The following OPN5 variants were observed in gnomAD, a reference collection of about 807,000 sequenced individuals.
The protein encoded by OPN5 is opsin 5, also known as opsin-5.
In OPN5, 18 loss-of-function variants were observed where a neutral mutation model predicts 41.7. That is an observed-to-expected ratio of 0.43 (90% CI 0.30 to 0.64). The LOEUF (loss-of-function observed/expected upper bound fraction) is 0.64, where lower values mean the gene tolerates loss of function less well. Ranked by LOEUF, OPN5 falls within the 30% of genes least tolerant of loss-of-function variation. OPN5 has a pLI of 0.13. For synonymous variants in OPN5, 178 were observed against 164.3 expected, an observed-to-expected ratio of 1.08 and a Z score of -0.64; for missense variants, 318 against 434.5, an observed-to-expected ratio of 0.73 and a Z score of 2.38.
intron 4 of OPN5, among the ~76,000 whole-genome samples, chr6:47,807,420 A>G (rs1487926856): frequency 2.0e-5 from 3 of 152,214 alleles, no homozygotes; most frequent in East Asian, 3.9e-4. Context: ...GGACTACATT[A>G]TTAAAGGGAC....
chr6:47,795,188 G>A (rs778298479), intron 3 of OPN5, 41 bp from the exon 4 acceptor site: 9 of 1,441,564 alleles, frequency 6.2e-6, no homozygotes, highest in Non-Finnish European at 9.4e-7. Context: ...TCTGGGTGTA[G>A]GGCAGATTAC....
intron 4 of OPN5, among the ~76,000 whole-genome samples, chr6:47,798,540 T>C (rs1017465419): frequency 6.0e-5 from 9 of 151,138 alleles, no homozygotes; most frequent in African/African-American, 2.2e-4. Flanking sequence ...CATATATATG[T>C]ATATTCTTTT....
chr6:47,805,670 G>T (rs372735747), intron 4 of OPN5, among the ~76,000 whole-genome samples: 2 of 152,078 alleles, frequency 1.3e-5, no homozygotes, highest in South Asian at 2.1e-4. Flanking sequence ...AAATGCACGG[G>T]CACACATATG....
intron 6 of OPN5, among the ~76,000 whole-genome samples, chr6:47,817,801 A>C (rs1762476002): frequency 6.6e-6 from 1 of 152,306 alleles, no homozygotes. Flanking sequence ...GAGTCTTGAA[A>C]GTATCCCTGG....
chr6:47,817,579 A>G (rs1253266559), intron 6 of OPN5, among the ~76,000 whole-genome samples: 1 of 152,132 alleles, frequency 6.6e-6, no homozygotes, highest in Non-Finnish European at 1.5e-5. Context: ...TGGTTACGAA[A>G]AAAGAACTTG....
intron 1 of OPN5, among the ~76,000 whole-genome samples, chr6:47,785,105 G>C (rs1469439867): frequency 1.3e-5 from 2 of 152,184 alleles, no homozygotes; most frequent in Non-Finnish European, 2.9e-5. Context: ...TTTCAAAAGA[G>C]ATGTAGACAG....
rs1319993399 is a variant in OPN5 at position 47,803,236 on chromosome 6, G to T, written c.757-4918G>T. Among the ~76,000 whole-genome samples, 2 of 152,140 alleles carry T rather than the reference G, an allele frequency of 1.3e-5. 1 individual carries two copies. The highest frequency in any genetic ancestry group is 4.1e-4 in the South Asian group (2 of 4,820). Reference sequence around the variant, plus strand: ...ACTCCTATTTGTATGTGTATGTGAAGGAACCAAAGAAGGTAGGTCACAGTT... The same window carrying T: ...ACTCCTATTTGTATGTGTATGTGAATGAACCAAAGAAGGTAGGTCACAGTT... On this transcript the variant is annotated intron_variant, in intron 4 of 6. Coordinates refer to ENST00000371211, the Ensembl canonical transcript of OPN5.
At chr6:47,814,589 T>C (rs954153259) in intron 6 of OPN5, among the ~76,000 whole-genome samples, 1 of 152,116 alleles carries the variant, frequency 6.6e-6, no homozygotes, top group Non-Finnish European at 1.5e-5. Context: ...GATAGAGATG[T>C]GGTCCTTGGG....
chr6:47,797,889 G>C (rs1773627910), intron 4 of OPN5, among the ~76,000 whole-genome samples: 1 of 152,024 alleles, frequency 6.6e-6, no homozygotes, highest in African/African-American at 2.4e-5. Flanking sequence ...CTAGCATCTT[G>C]TCCTCTTGTG....
intron 4 of OPN5, among the ~76,000 whole-genome samples, chr6:47,803,581 C>T (rs1773855060): frequency 6.6e-6 from 1 of 152,170 alleles, no homozygotes; most frequent in African/African-American, 2.4e-5. Context: ...CTAATTGGTT[C>T]TGTAATGTGA....
intron 1 of OPN5, among the ~76,000 whole-genome samples, chr6:47,786,166 T>C (rs1021394458): frequency 2.0e-5 from 3 of 152,174 alleles, no homozygotes; most frequent in Non-Finnish European, 2.9e-5. Flanking sequence ...GGGAGGGAGT[T>C]CTATAAAGCC....
At chr6:47,795,309 T>C (rs201441243) in exon 4 of OPN5, 11 of 1,613,950 alleles carry the variant, frequency 6.8e-6, no homozygotes, top group Non-Finnish European at 9.3e-6. Flanking sequence ...CACCATGCCC[T>C]TGGTAGGTCT....
chr6:47,793,909 T>G, intron 3 of OPN5: 1 of 339,626 alleles, frequency 2.9e-6, no homozygotes, highest in Non-Finnish European at 4.2e-6. Context: ...TGACTTATAT[T>G]GTGGCTACAT....
At chr6:47,800,272 A>T (rs1048614937) in intron 4 of OPN5, among the ~76,000 whole-genome samples, 9 of 152,300 alleles carry the variant, frequency 5.9e-5, no homozygotes, top group Admixed American at 4.6e-4. Flanking sequence ...CAAAGTTTGT[A>T]AGTGAGGGGT....
At chr6:47,795,079 T>C in intron 3 of OPN5, 150 bp from the exon 4 acceptor site, 1 of 624,296 alleles carries the variant, frequency 1.6e-6, no homozygotes, top group Non-Finnish European at 2.7e-6. Flanking sequence ...TTTTTCCGTT[T>C]ACTCCACTCT....
At chr6:47,818,403 CA>C (rs1762495299) in intron 6 of OPN5, among the ~76,000 whole-genome samples, 1 of 152,204 alleles carries the variant, frequency 6.6e-6, no homozygotes, top group Non-Finnish European at 1.5e-5. Context: ...ACTGAAGCAG[CA>C]AGTTACTCAC....
intron 1 of OPN5, 84 bp from the exon 2 acceptor site, chr6:47,786,431 A>C: frequency 2.7e-6 from 3 of 1,119,052 alleles, no homozygotes; most frequent in Non-Finnish European, 2.6e-6. Context: ...TATGGTGTCC[A>C]TTTTTGAAGT....
chr6:47,810,764 A>G lies in OPN5; in HGVS notation c.999-910A>G, dbSNP rs143196996. On this transcript the variant is annotated intron_variant, in intron 5 of 6. Transcript: ENST00000371211. Reference sequence around the variant, plus strand: ...GAAGTTGGTGAACCAAAGGAAACAAATGTGGCCAAGAGCTCTTTCTGGAAT... The same window carrying G: ...GAAGTTGGTGAACCAAAGGAAACAAGTGTGGCCAAGAGCTCTTTCTGGAAT... Among the ~76,000 whole-genome samples, 897 of 152,322 alleles carry G rather than the reference A, an allele frequency of 5.9e-3. 5 individuals carry two copies. Among genetic ancestry groups the G allele is most frequent in the Admixed American group, 0.012 (188 of 15,288 alleles).
intron 6 of OPN5, among the ~76,000 whole-genome samples, chr6:47,818,932 A>G (rs1249890364): frequency 6.6e-6 from 1 of 152,084 alleles, no homozygotes; most frequent in Non-Finnish European, 1.5e-5. Context: ...ATCAATAAGC[A>G]AGAGAATTTC....
Sources: allele counts gnomAD v4.1 joint callset (sites outside exome capture counted in the v4.1 genomes callset), GRCh38; gene constraint gnomAD v4.1.1; transcripts MANE v1.5; gene names NCBI Gene and HGNC (gene_info 2026-07-23, HGNC 2026-07-21).